The following SLCO3A1 variants were observed in gnomAD, a reference collection of about 807,000 sequenced individuals.
The protein encoded by SLCO3A1 is PGE1 transporter.
SLCO3A1 carries 27 observed loss-of-function variants against 63.1 expected under a neutral mutation model. That is an observed-to-expected ratio of 0.43 (90% CI 0.32 to 0.59). The LOEUF is 0.59. Among genes scored for constraint, SLCO3A1 ranks in the 20% least tolerant of loss-of-function variants. The pLI, the probability that SLCO3A1 is intolerant of heterozygous loss-of-function variation, is 0.09. For missense variants in SLCO3A1, 773 were observed against 945.8 expected (o/e 0.82, Z 2.40); for synonymous variants, 473 against 409.9 (o/e 1.15, Z -1.86).
chr15:91,895,616 A>G (rs1897983812), intron 1 of SLCO3A1, among the ~76,000 whole-genome samples: 1 of 152,166 alleles, frequency 6.6e-6, no homozygotes, highest in African/African-American at 2.4e-5. Context: ...CCCAGCCAAT[A>G]CTGTTGATTC....
chr15:92,071,332 A>C (rs1567103077), intron 2 of SLCO3A1, among the ~76,000 whole-genome samples: 2 of 152,210 alleles, frequency 1.3e-5, no homozygotes, highest in Admixed American at 6.5e-5. Context: ...TTCAGAGAGC[A>C]CACCAGCACA....
At position 92,165,278 on chromosome 15, in the gene SLCO3A1, C is replaced by T; in HGVS notation, c.*2143C>T. The T allele has an allele frequency of 4.1e-6, 4 of 985,398 alleles. No homozygotes were observed. The highest frequency in any genetic ancestry group is 4.8e-6 in the Non-Finnish European group (4 of 829,894). 61.0% of individuals were successfully genotyped at this position (985,398 alleles called of 1,614,324 possible). On this transcript the variant is annotated 3_prime_UTR_variant, in exon 10 of 10. Coordinates refer to ENST00000318445, the MANE Select transcript of SLCO3A1 (RefSeq NM_013272.4). ...TGCTTATGAAAATGGGGACACTCAT[C>T]AGTACGTTAACTACTAAAGGGGAGA...
intron 4 of SLCO3A1, among the ~76,000 whole-genome samples, chr15:92,114,070 TG>T (rs1351778266): frequency 6.6e-6 from 1 of 152,140 alleles, no homozygotes; most frequent in Admixed American, 6.5e-5. Context: ...TGATCTCCCC[TG>T]GGGGCCAACA....
intron 2 of SLCO3A1, among the ~76,000 whole-genome samples, chr15:92,079,410 G>A (rs1043190318): frequency 7.2e-5 from 11 of 152,198 alleles, no homozygotes; most frequent in Admixed American, 6.5e-4. Context: ...GCCTGAGATG[G>A]TAGTGTTGGC....
intron 9 of SLCO3A1, chr15:92,162,030 A>G (rs2048444963): frequency 6.6e-6 from 1 of 151,950 alleles, no homozygotes; most frequent in Non-Finnish European, 1.5e-5. Context: ...TTCAAGGAAG[A>G]CCGTCTTGGC....
intron 8 of SLCO3A1, among the ~76,000 whole-genome samples, chr15:92,150,059 C>T (rs567027403): frequency 2.3e-4 from 35 of 152,282 alleles, no homozygotes; most frequent in African/African-American, 7.9e-4. Context: ...CAGCCAGAGT[C>T]ACGTCCCCAT....
chr15:91,935,634 A>G (rs1567193645), intron 2 of SLCO3A1, among the ~76,000 whole-genome samples: 1 of 152,154 alleles, frequency 6.6e-6, no homozygotes, highest in Non-Finnish European at 1.5e-5. Context: ...ATTTTCATGC[A>G]AGGTGGTAGA....
rs371786383 is a variant in SLCO3A1 at position 91,854,086 on chromosome 15, C to T, written c.178C>T (p.Leu60=). ...MLAQGTVGAY[L]VSVLTTLERR... ...GGCGCAGGGCACGGTGGGCGCCTAC[C>T]TGGTGAGTCCCCGAGCCAACTCCGC... Residue 60 remains leucine, a splice_region_variant and synonymous_variant, in exon 1 of 10, where the codon CTG becomes TTG. Transcript: ENST00000318445. The surrounding 1 kb of genome is among the most constrained non-coding windows in gnomAD (Gnocchi z 6.4). 32 of 1,517,702 alleles carry T rather than the reference C, an allele frequency of 2.1e-5. No homozygotes were observed. The African/African-American group carries it at 3.4e-4, about 16-fold the overall frequency. 94.0% of individuals were successfully genotyped at this position (1,517,702 alleles called of 1,614,324 possible). A position where few individuals can be genotyped will look rare whatever the true frequency, so the allele number is the denominator to read the frequency against.
At chr15:91,959,275 T>C (rs915176585) in intron 2 of SLCO3A1, among the ~76,000 whole-genome samples, 1 of 150,904 alleles carries the variant, frequency 6.6e-6, no homozygotes, top group African/African-American at 2.4e-5. Flanking sequence ...GACTTGGGGG[T>C]TGGGGAGGTT....
intron 2 of SLCO3A1, among the ~76,000 whole-genome samples, chr15:91,924,586 A>G (rs571139387): frequency 6.6e-6 from 1 of 152,116 alleles, no homozygotes; most frequent in East Asian, 2.0e-4. Flanking sequence ...ACAGCCAGAA[A>G]AAAAGTGTTC....
At chr15:92,167,343 G>A (rs139367272), downstream of SLCO3A1, among the ~76,000 whole-genome samples, 20 of 152,298 alleles carry the variant, frequency 1.3e-4, no homozygotes, top group South Asian at 3.1e-3. Context: ...TTTAGGGACC[G>A]TTCCCCCTTA....
At chr15:92,147,784 C>T (rs1567146818) in intron 8 of SLCO3A1, among the ~76,000 whole-genome samples, 2 of 152,120 alleles carry the variant, frequency 1.3e-5, no homozygotes, top group African/African-American at 4.8e-5. Flanking sequence ...AGGTGAAGTG[C>T]CTCAAAGAAA....
At chr15:92,059,726 C>T (rs1399812143) in intron 2 of SLCO3A1, among the ~76,000 whole-genome samples, 3 of 152,214 alleles carry the variant, frequency 2.0e-5, no homozygotes, top group African/African-American at 4.8e-5. Context: ...ACTGAGGCCT[C>T]CTTTAGCACA....
chr15:91,932,685 T>C (rs1479802488), intron 2 of SLCO3A1, among the ~76,000 whole-genome samples: 1 of 152,170 alleles, frequency 6.6e-6, no homozygotes, highest in Non-Finnish European at 1.5e-5. Flanking sequence ...TCAGGTGATC[T>C]GCCTGCCTCG....
At chr15:92,150,576 C>T (rs550980547) in intron 8 of SLCO3A1, among the ~76,000 whole-genome samples, 8 of 152,020 alleles carry the variant, frequency 5.3e-5, no homozygotes, top group Non-Finnish European at 7.4e-5. Context: ...ATTATTTTCT[C>T]GGTTGATGTT....
At chr15:91,936,134 C>T (rs977215356) in intron 2 of SLCO3A1, among the ~76,000 whole-genome samples, 1 of 152,126 alleles carries the variant, frequency 6.6e-6, no homozygotes, top group African/African-American at 2.4e-5. Context: ...TACTGTGTCT[C>T]TTATTAGAGA....
At chr15:92,038,221 G>T (rs1299266050) in intron 2 of SLCO3A1, among the ~76,000 whole-genome samples, 9 of 152,154 alleles carry the variant, frequency 5.9e-5, no homozygotes, top group African/African-American at 2.2e-4. Context: ...GAACAACCTT[G>T]CTGGTTGGCC....
intron 2 of SLCO3A1, among the ~76,000 whole-genome samples, chr15:92,081,619 C>T (rs1030168310): frequency 3.9e-5 from 6 of 152,202 alleles, no homozygotes; most frequent in Non-Finnish European, 7.3e-5. Flanking sequence ...CTGCCCACCT[C>T]GGCCTCCCAA....
rs779534791 is a variant in SLCO3A1 at position 92,120,527 on chromosome 15, G to T, written c.1072G>T (p.Ala358Ser). ...TGTGTTCACCTGCATCATCCTGGCC[G>T]CCTGCATGGAGATTGCAGTGGTGGC... ...NPVFTCIILA[A>S]CMEIAVVAGF... The change falls in exon 5 of 10, where the codon GCC becomes TCC. Residue 358 changes from alanine to serine, a missense_variant. By Grantham distance (99) the Ala-to-Ser change is moderately conservative. Coordinates refer to ENST00000318445, the MANE Select transcript of SLCO3A1 (RefSeq NM_013272.4). 1.2e-6 allele frequency: 2 copies of T among 1,614,114 alleles called. No individual in the cohort carries two copies. Among genetic ancestry groups the T allele is most frequent in the South Asian group, 1.1e-5 (1 of 91,082 alleles).
Sources: allele counts gnomAD v4.1 joint callset (sites outside exome capture counted in the v4.1 genomes callset), GRCh38; gene constraint gnomAD v4.1.1; non-coding constraint Gnocchi (gnomAD v3.1); transcripts MANE v1.5; gene names NCBI Gene and HGNC (gene_info 2026-07-23, HGNC 2026-07-21).